Variants in IPCEF1 observed in about 807,000 individuals in gnomAD.
The protein encoded by IPCEF1 is interactor protein for cytohesin exchange factors 1.
IPCEF1 carries 31 observed loss-of-function variants against 50.9 expected under a neutral mutation model. The observed-to-expected ratio is 0.61, with a 90% CI of 0.46 to 0.82. The LOEUF is 0.82. IPCEF1 is among the 40% of genes least tolerant of loss of function. IPCEF1 has a pLI of 0.00. For synonymous variants in IPCEF1, 181 were observed against 192.0 expected, an observed-to-expected ratio of 0.94 and a Z score of 0.47; for missense variants, 458 against 514.0, an observed-to-expected ratio of 0.89 and a Z score of 1.05.
chr6:154,281,193 A>T (rs1019142189), intron 2 of IPCEF1, among the ~76,000 whole-genome samples: 1 of 147,822 alleles, frequency 6.8e-6, no homozygotes, highest in African/African-American at 2.6e-5. Flanking sequence ...ACAAAAAAAA[A>T]AAAAAAAAAA....
At chr6:154,305,468 T>C (rs1027267537) in intron 1 of IPCEF1, among the ~76,000 whole-genome samples, 3 of 152,222 alleles carry the variant, frequency 2.0e-5, no homozygotes, top group Admixed American at 6.5e-5. Context: ...CACAAGCATA[T>C]ACTACCAGAA....
intron 5 of IPCEF1, among the ~76,000 whole-genome samples, chr6:154,223,633 G>A (rs1779035172): frequency 6.6e-6 from 1 of 152,204 alleles, no homozygotes. Context: ...TAGCACACAG[G>A]AAGAAACCTA....
intron 9 of IPCEF1, among the ~76,000 whole-genome samples, chr6:154,206,786 G>A (rs1777532032): frequency 6.6e-6 from 1 of 152,208 alleles, no homozygotes; most frequent in Non-Finnish European, 1.5e-5. Flanking sequence ...GGTCCTGCAA[G>A]TGGAGAAACT....
intron 1 of IPCEF1, among the ~76,000 whole-genome samples, chr6:154,295,871 AC>A (rs1562583493): frequency 7.3e-6 from 1 of 137,762 alleles, no homozygotes; most frequent in African/African-American, 3.0e-5. Context: ...GCACACGCAC[AC>A]ACACACACAC....
At chr6:154,350,478 T>C (rs1233459177) in intron 1 of IPCEF1, among the ~76,000 whole-genome samples, 1 of 152,228 alleles carries the variant, frequency 6.6e-6, no homozygotes, top group Non-Finnish European at 1.5e-5. Context: ...AATGATGAAG[T>C]GACTCTACTG....
chr6:154,214,405 T>C (rs1183484039), intron 7 of IPCEF1, 129 bp from the exon 8 acceptor site: 4 of 748,724 alleles, frequency 5.3e-6, no homozygotes, highest in Non-Finnish European at 9.7e-6. Context: ...AGAAAGAGCA[T>C]AAGTTTGTGC....
At chr6:154,282,881 GT>G (rs1782258972) in intron 2 of IPCEF1, among the ~76,000 whole-genome samples, 1 of 152,210 alleles carries the variant, frequency 6.6e-6, no homozygotes, top group South Asian at 2.1e-4. Context: ...GGTCACCTTG[GT>G]GAAATGGTGG....
In IPCEF1 at chr6:154,168,807, TG is replaced by T. The variant is rs1799641678; in HGVS notation, c.911-695del. 6.6e-6 allele frequency among the ~76,000 whole-genome samples: 1 copy of T among 151,962 alleles called. No individual in the cohort carries two copies. The highest frequency in any genetic ancestry group is 2.4e-5 in the African/African-American group (1 of 41,406). Reference sequence around the variant, plus strand: ...TTTTAGTACAGACAGGGTTTCACCATGTTGCCCAGGCTGGTCTTGAACTCCT... The same window carrying T: ...TTTTAGTACAGACAGGGTTTCACCATTTGCCCAGGCTGGTCTTGAACTCCT... On this transcript the variant is annotated intron_variant, in intron 10 of 11. Transcript: ENST00000367220. This position sits in a 1 kb window ranked among gnomAD's most constrained non-coding sequence, Gnocchi z 4.1.
chr6:154,312,103 T>C (rs1783092693), intron 1 of IPCEF1, among the ~76,000 whole-genome samples: 1 of 152,212 alleles, frequency 6.6e-6, no homozygotes, highest in Non-Finnish European at 1.5e-5. Context: ...ATGTGATCTA[T>C]ATGCACAATA....
chr6:154,181,779 G>A (rs1179821806), intron 10 of IPCEF1, among the ~76,000 whole-genome samples: 1 of 152,136 alleles, frequency 6.6e-6, no homozygotes, highest in African/African-American at 2.4e-5. Flanking sequence ...CAGCAATCTA[G>A]GACACAAACC....
chr6:154,198,210 T>G (rs1272562904), intron 10 of IPCEF1, among the ~76,000 whole-genome samples: 3 of 152,202 alleles, frequency 2.0e-5, no homozygotes, highest in Non-Finnish European at 4.4e-5. Context: ...TGAATCTATC[T>G]CCTTTTGACT....
chr6:154,328,020 A>G (rs1783563847), intron 1 of IPCEF1, among the ~76,000 whole-genome samples: 1 of 152,202 alleles, frequency 6.6e-6, no homozygotes, highest in African/African-American at 2.4e-5. Context: ...TGATGAGAAC[A>G]CATGGACACA....
intron 3 of IPCEF1, among the ~76,000 whole-genome samples, chr6:154,260,818 A>ATTAT (rs1243716390): frequency 2.0e-5 from 3 of 151,900 alleles, no homozygotes; most frequent in African/African-American, 7.3e-5. Flanking sequence ...ATATGCTAGT[A>ATTAT]TTATTTATTT....
chr6:154,164,462 T>A (rs1799265302), intron 11 of IPCEF1, among the ~76,000 whole-genome samples: 1 of 152,216 alleles, frequency 6.6e-6, no homozygotes, highest in Non-Finnish European at 1.5e-5. Flanking sequence ...ACACCAGGCA[T>A]CCTGGGGCTG....
At chr6:154,355,236 G>A (rs1784196067) in intron 1 of IPCEF1, among the ~76,000 whole-genome samples, 1 of 152,054 alleles carries the variant, frequency 6.6e-6, no homozygotes, top group African/African-American at 2.4e-5. Flanking sequence ...AACTACCGCA[G>A]GAAAGAACTT....
intron 1 of IPCEF1, among the ~76,000 whole-genome samples, chr6:154,291,908 C>T (rs1188935379): frequency 2.6e-5 from 4 of 152,038 alleles, no homozygotes; most frequent in African/African-American, 9.7e-5. Flanking sequence ...TGGTCTGGAT[C>T]TCCTGACCTC....
intron 1 of IPCEF1, among the ~76,000 whole-genome samples, chr6:154,315,982 C>T (rs887070309): frequency 3.9e-5 from 6 of 152,122 alleles, no homozygotes; most frequent in Non-Finnish European, 8.8e-5. Context: ...GCCTCAGCCT[C>T]CCAAGTAGCT....
chr6:154,245,609 C>T (rs1000786156), intron 5 of IPCEF1, among the ~76,000 whole-genome samples: 3 of 152,144 alleles, frequency 2.0e-5, no homozygotes, highest in East Asian at 3.8e-4. Context: ...GACATGCATG[C>T]CCACGTCATT....
intron 1 of IPCEF1, among the ~76,000 whole-genome samples, chr6:154,353,584 C>G (rs768220567): frequency 6.6e-6 from 1 of 152,284 alleles, no homozygotes; most frequent in East Asian, 1.9e-4. Context: ...CCACCGCACC[C>G]GGGCCTATTT....
Sources: gnomAD v4.1 joint callset for allele counts (sites outside exome capture counted in the v4.1 genomes callset) on GRCh38, gnomAD v4.1.1 for gene constraint, Gnocchi (gnomAD v3.1) non-coding constraint, MANE v1.5 for transcripts, NCBI Gene and HGNC (gene_info 2026-07-23, HGNC 2026-07-21) for gene names.